The following GUCY1A2 variants were observed in gnomAD, a reference collection of about 807,000 sequenced individuals.
The protein encoded by GUCY1A2 is guanylate cyclase soluble subunit alpha-2.
In GUCY1A2, 27 loss-of-function variants were observed where a neutral mutation model predicts 63.5. The observed-to-expected ratio is 0.43, with a 90% CI of 0.31 to 0.59. The LOEUF is 0.59. Among genes scored for constraint, GUCY1A2 ranks in the 20% least tolerant of loss-of-function variants. The probability of loss-of-function intolerance (pLI) is 0.11; values close to 1 mark genes in which losing one functional copy is unlikely to be tolerated. For missense variants in GUCY1A2, 768 were observed against 913.3 expected, an observed-to-expected ratio of 0.84 and a Z score of 2.05; for synonymous variants, 364 against 343.5, an observed-to-expected ratio of 1.06 and a Z score of -0.66.
chr11:106,853,313 C>A (rs1859381199), intron 4 of GUCY1A2, among the ~76,000 whole-genome samples: 1 of 151,764 alleles, frequency 6.6e-6, no homozygotes, highest in African/African-American at 2.4e-5. Flanking sequence ...CATGGATGTT[C>A]TTCACTCCTT....
At chr11:106,812,005 A>G (rs1383081336) in intron 4 of GUCY1A2, among the ~76,000 whole-genome samples, 1 of 151,990 alleles carries the variant, frequency 6.6e-6, no homozygotes, top group Non-Finnish European at 1.5e-5. Context: ...TGGTTTGAGT[A>G]AAAAGAAAAT....
intron 4 of GUCY1A2, among the ~76,000 whole-genome samples, chr11:106,861,686 C>T (rs528803734): frequency 3.2e-4 from 49 of 152,024 alleles, no homozygotes; most frequent in South Asian, 2.3e-3. Context: ...TGATATATTA[C>T]GTACTCAAGC....
chr11:107,016,030 T>A (rs987487274), intron 1 of GUCY1A2, among the ~76,000 whole-genome samples: 1 of 152,192 alleles, frequency 6.6e-6, no homozygotes, highest in African/African-American at 2.4e-5. Context: ...ACATCTTCAA[T>A]CAGGTCTCGT....
At chr11:106,955,309 A>G (rs1165734226) in intron 3 of GUCY1A2, among the ~76,000 whole-genome samples, 1 of 152,108 alleles carries the variant, frequency 6.6e-6, no homozygotes, top group East Asian at 1.9e-4. Flanking sequence ...GCCCATTTAC[A>G]TTAGTATTGT....
intron 3 of GUCY1A2, among the ~76,000 whole-genome samples, chr11:106,966,345 T>G (rs1254262823): frequency 6.6e-6 from 1 of 152,090 alleles, no homozygotes; most frequent in Non-Finnish European, 1.5e-5. Context: ...TGACCTCAGG[T>G]GATCCACCCA....
intron 7 of GUCY1A2, among the ~76,000 whole-genome samples, chr11:106,706,121 T>G (rs1309615594): frequency 1.3e-5 from 2 of 152,086 alleles, no homozygotes; most frequent in Non-Finnish European, 2.9e-5. Context: ...GAATGAACAA[T>G]TCAAAAAATG....
In GUCY1A2 at chr11:106,810,099, C is replaced by T. The variant is rs1858743722; in HGVS notation, c.1586G>A (p.Gly529Asp). ...ACACTGGGCACATATGGCTGTGAAGCCAACAATGTCTGAAAAGAGCATGGT... is the reference window on the plus strand; with the variant it reads ...ACACTGGGCACATATGGCTGTGAAGTCAACAATGTCTGAAAAGAGCATGGT... ...DVTMLFSDIVGFTAICAQCTP... is the reference protein window; with the variant it reads ...DVTMLFSDIVDFTAICAQCTP... Residue 529 changes from glycine (G) to aspartate (D), a missense_variant, in exon 5 of 8, where the codon GGC (glycine) becomes GAC (aspartate). Transcript: ENST00000526355. 4 of 1,613,872 alleles carry T rather than the reference C, an allele frequency of 2.5e-6. No homozygotes were observed. The highest frequency in any genetic ancestry group is 2.5e-6 in the Non-Finnish European group (3 of 1,179,832).
chr11:106,688,634 A>G (rs1448068482), intron 7 of GUCY1A2, among the ~76,000 whole-genome samples: 2 of 152,186 alleles, frequency 1.3e-5, no homozygotes, highest in East Asian at 1.9e-4. Context: ...TTTTAAAAAA[A>G]CCCAATAAAT....
Position 106,843,307 on chromosome 11 carries a change from T to G in GUCY1A2, c.1207-32829A>C, listed in dbSNP as rs1323585952. Among the ~76,000 whole-genome samples, 3 of 151,960 alleles carry G rather than the reference T, an allele frequency of 2.0e-5. No individual in the cohort carries two copies. The South Asian group carries it at 6.2e-4, about 32-fold the overall frequency. On this transcript the variant is annotated intron_variant, in intron 4 of 7. Transcript: ENST00000526355. ...GGAAAGGATGGGGGTTGGTGAGAAA[T>G]AGAAGACTACACACTGGGTACAGTG...
intron 4 of GUCY1A2, among the ~76,000 whole-genome samples, chr11:106,905,798 G>A (rs368364904): frequency 1.3e-5 from 2 of 152,110 alleles, no homozygotes; most frequent in African/African-American, 2.4e-5. Flanking sequence ...CCTTAATGCA[G>A]CTCATGCTTT....
Position 106,746,079 on chromosome 11 carries a change from A to G in GUCY1A2, c.1836+30360T>C, listed in dbSNP as rs920794275. ...TTTTCTCTTTGGCTAAAGGACAGGC[A>G]CTTCCTGGTGAAGTAGAAGCCATGA... On this transcript the variant is annotated intron_variant, in intron 6 of 7. Transcript: ENST00000526355. Among the ~76,000 whole-genome samples the G allele has an allele frequency of 5.9e-5, 9 of 152,136 alleles. 1 individual carries two copies. Among genetic ancestry groups the G allele is most frequent in the Admixed American group, 1.3e-4 (2 of 15,258 alleles).
intron 5 of GUCY1A2, among the ~76,000 whole-genome samples, chr11:106,786,484 T>G (rs1379338014): frequency 6.6e-6 from 1 of 152,204 alleles, no homozygotes; most frequent in Non-Finnish European, 1.5e-5. Flanking sequence ...GCTCTCCTCC[T>G]GATAAAACTC....
At chr11:106,931,879 T>C (rs1860607201) in intron 4 of GUCY1A2, among the ~76,000 whole-genome samples, 1 of 152,142 alleles carries the variant, frequency 6.6e-6, no homozygotes, top group Non-Finnish European at 1.5e-5. Flanking sequence ...TGATAAAGTT[T>C]TCTAAAACCA....
chr11:106,965,437 ATGTAT>A (rs1397617662), intron 3 of GUCY1A2, among the ~76,000 whole-genome samples: 1 of 152,220 alleles, frequency 6.6e-6, no homozygotes, highest in Non-Finnish European at 1.5e-5. Flanking sequence ...GTATGTACTT[ATGTAT>A]ATAGGCATAT....
intron 1 of GUCY1A2, among the ~76,000 whole-genome samples, chr11:106,993,734 A>T (rs1376181669): frequency 6.6e-6 from 1 of 152,212 alleles, no homozygotes; most frequent in Admixed American, 6.5e-5. Flanking sequence ...TCTCAGGGTC[A>T]TCTTCAAGTA....
intron 4 of GUCY1A2, among the ~76,000 whole-genome samples, chr11:106,935,263 C>T (rs930742828): frequency 6.6e-5 from 10 of 152,028 alleles, no homozygotes; most frequent in African/African-American, 1.9e-4. Context: ...GGAATAAATA[C>T]GGAGACTGTT....
intron 4 of GUCY1A2, among the ~76,000 whole-genome samples, chr11:106,855,010 G>T (rs1278444509): frequency 1.3e-5 from 2 of 152,178 alleles, no homozygotes; most frequent in African/African-American, 2.4e-5. Context: ...GGTGAATACA[G>T]GGGTTATAAG....
Position 106,990,585 on chromosome 11 carries a change from C to CTGTG in GUCY1A2, c.304-4458_304-4455dup, listed in dbSNP as rs139110040. Among the ~76,000 whole-genome samples the CTGTG allele has an allele frequency of 1.7e-3, 262 of 151,852 alleles. 1 individual carries two copies. The highest frequency in any genetic ancestry group is 5.8e-3 in the African/African-American group (240 of 41,476). Reference sequence around the variant, plus strand: ...AGAGTAAAGATGTGTCTCTCTCTCTCTGTGTGTGTGTGTGTGCGCGCACGC... The same window carrying CTGTG: ...AGAGTAAAGATGTGTCTCTCTCTCTCTGTGTGTGTGTGTGTGTGTGCGCGCACGC... On this transcript the variant is annotated intron_variant, in intron 1 of 7. Transcript: ENST00000526355.
At chr11:106,718,217 A>G (rs769960829) in intron 6 of GUCY1A2, among the ~76,000 whole-genome samples, 16 of 152,196 alleles carry the variant, frequency 1.1e-4, no homozygotes, top group Non-Finnish European at 2.2e-4. Context: ...CCAAATAATT[A>G]TTCTCATCAC....
Sources: allele counts gnomAD v4.1 joint callset (sites outside exome capture counted in the v4.1 genomes callset), GRCh38; gene constraint gnomAD v4.1.1; transcripts MANE v1.5; gene names NCBI Gene and HGNC (gene_info 2026-07-23, HGNC 2026-07-21).